FAT1: variants seen among roughly 807,000 people sequenced by gnomAD.
The protein encoded by FAT1 is protocadherin Fat 1.
In FAT1, 171 loss-of-function variants were observed where a neutral mutation model predicts 329.8. The ratio of observed to expected loss-of-function variants is 0.52; its 90% CI spans 0.46 to 0.59. FAT1 has a LOEUF of 0.59. Among genes scored for constraint, FAT1 ranks in the 20% least tolerant of loss-of-function variants. FAT1 has a pLI of 0.00. For missense variants in FAT1, 5,672 were observed against 5,774.4 expected (o/e 0.98, Z 0.57); for synonymous variants, 2,233 against 2,228.6 (o/e 1.00, Z -0.06).
chr4:186,619,481 T>G lies in FAT1; in HGVS notation c.7105A>C (p.Thr2369Pro), dbSNP rs77834784. ...GTGACAATCACATCACTGCTCAGCG[T>G]GGGCATACCACCATCAACTGCCCTC... Reference protein sequence around the residue: ...FVRAVDGGMPTLSSDVIVTVD... With the variant: ...FVRAVDGGMPPLSSDVIVTVD... Residue 2369 changes from threonine (T) to proline (P), a missense_variant, in exon 10 of 27, where the codon ACG becomes CCG. By Grantham distance (38) the Thr-to-Pro change is conservative (BLOSUM62 -1). Transcript: ENST00000441802. The G allele has an allele frequency of 0.042, 67,560 of 1,613,886 alleles. 3,120 individuals are homozygous for G. The highest frequency in any genetic ancestry group is 0.2 in the Admixed American group (12,038 of 60,012).
At chr4:186,661,132 GGTACATATTTGTTTCTGTCCATGGTTCCT>G (rs1344238125) in intron 3 of FAT1, among the ~76,000 whole-genome samples, 2 of 152,154 alleles carry the variant, frequency 1.3e-5, no homozygotes, top group Non-Finnish European at 2.9e-5. Flanking sequence ...TGTGGGGAGG[GGTACATATTTGTTTCTGTCCATGGTTCCT>G]GGCTCGTTAA....
chr4:186,612,144 A>AT (rs1196177168), intron 13 of FAT1, among the ~76,000 whole-genome samples: 1 of 151,438 alleles, frequency 6.6e-6, no homozygotes, highest in Non-Finnish European at 1.5e-5. Flanking sequence ...ACCAAACAAA[A>AT]TTTTTTTAGA....
At chr4:186,643,121 T>A (rs1008912599) in intron 3 of FAT1, among the ~76,000 whole-genome samples, 7 of 152,138 alleles carry the variant, frequency 4.6e-5, no homozygotes, top group Admixed American at 1.3e-4. Flanking sequence ...TCAGTAAAGT[T>A]TACACTTCAG....
Position 186,640,347 on chromosome 4 carries a change from T to C in FAT1, c.3581-564A>G, listed in dbSNP as rs552262966. Among the ~76,000 whole-genome samples the C allele has an allele frequency of 2.6e-5, 4 of 152,310 alleles. No homozygotes were observed. In the East Asian group the frequency reaches 7.7e-4, roughly 29 times the overall value. ...GTGGAAAAACTCAAATCAGTTACAT[T>C]TTCTATTTGTTAGTGGTTTCAATAT... On this transcript the variant is annotated intron_variant, in intron 3 of 26. Coordinates refer to ENST00000441802, the MANE Select transcript of FAT1 (RefSeq NM_005245.4).
chr4:186,720,583 C>T (rs566553315), intron 1 of FAT1, among the ~76,000 whole-genome samples: 117 of 152,294 alleles, frequency 7.7e-4, no homozygotes, highest in African/African-American at 2.6e-3. Context: ...TGCCCCAGAT[C>T]CCCCAGCTCA....
Position 186,711,692 on chromosome 4 carries a change from C to T in FAT1, c.-18-1847G>A, listed in dbSNP as rs188015406. On this transcript the variant is annotated intron_variant, in intron 1 of 26. Transcript: ENST00000441802. ...CAGAACTTTGGGAGGCCAATGCAGC[C>T]GGATCCCTTGAGCTCAGGAGTTCGA... Among the ~76,000 whole-genome samples the T allele has an allele frequency of 4.3e-3, 652 of 152,176 alleles. 2 individuals carry two copies. Among genetic ancestry groups the T allele is most frequent in the African/African-American group, 0.014 (599 of 41,512 alleles).
chr4:186,691,952 T>C (rs960508180), intron 2 of FAT1, among the ~76,000 whole-genome samples: 1 of 152,152 alleles, frequency 6.6e-6, no homozygotes, highest in African/African-American at 2.4e-5. Context: ...ATAATAATGA[T>C]TATTTTTATG....
chr4:186,640,139 A>T (rs1471543593), intron 3 of FAT1, among the ~76,000 whole-genome samples: 1 of 152,214 alleles, frequency 6.6e-6, no homozygotes, highest in Non-Finnish European at 1.5e-5. Context: ...AAATACAATA[A>T]AAAACAAAAC....
At chr4:186,705,662 A>G (rs181080444) in intron 2 of FAT1, among the ~76,000 whole-genome samples, 195 of 152,362 alleles carry the variant, frequency 1.3e-3, no homozygotes, top group African/African-American at 4.4e-3. Flanking sequence ...GCCTGCCCCG[A>G]AAGGCTCACA....
chr4:186,628,076 CA>C (rs1202744753), intron 9 of FAT1, 77 bp downstream of exon 9: 1 of 1,473,242 alleles, frequency 6.8e-7, no homozygotes, highest in Non-Finnish European at 9.2e-7. Flanking sequence ...CTTCAATACC[CA>C]GAACTGATTT....
Position 186,655,085 on chromosome 4 carries a change from T to A in FAT1, c.3580+8214A>T, listed in dbSNP as rs564944019. Among the ~76,000 whole-genome samples, 5 of 152,306 alleles carry A rather than the reference T, an allele frequency of 3.3e-5. No individual in the cohort carries two copies. In the South Asian group the frequency reaches 1.0e-3, roughly 32 times the overall value. On this transcript the variant is annotated intron_variant, in intron 3 of 26. Transcript: ENST00000441802. ...TTGAATTGTGTACTATGTGATTGCA[T>A]TATGTATTTAAAATCTCAGGAAGAC...
At position 186,611,454 on chromosome 4, in the gene FAT1, T is replaced by C; in HGVS notation, c.9785A>G (p.Asn3262Ser). 6.2e-7 allele frequency: 1 copy of C among 1,613,974 alleles called. No homozygotes were observed. Among genetic ancestry groups the C allele is most frequent in the Non-Finnish European group, 8.5e-7 (1 of 1,179,856 alleles). ...TATTATTGAGTAGGTGATTTCTGCA[T>C]TTGCTTCAATATCCCGACTTGCTGC... The part of the protein sequence containing the change: ...VYAASRDIEA[N>S]AEITYSIISG... Residue 3262 changes from asparagine (N) to serine (S), a missense_variant, in exon 14 of 27, where the codon AAT (asparagine) becomes AGT (serine). This residue lies in a region of FAT1 where 1,706 missense variants were observed against 1,859.1 expected (regional missense o/e 0.92). Transcript: ENST00000441802.
chr4:186,654,901 A>G (rs1741831932), intron 3 of FAT1, among the ~76,000 whole-genome samples: 1 of 147,678 alleles, frequency 6.8e-6, no homozygotes, highest in Non-Finnish European at 1.5e-5. Context: ...AGAGTGATAC[A>G]CTGTCTCGAA....
chr4:186,660,209 A>G (rs191707226), intron 3 of FAT1, among the ~76,000 whole-genome samples: 1 of 152,184 alleles, frequency 6.6e-6, no homozygotes, highest in East Asian at 1.9e-4. Context: ...CAGCCTTCAC[A>G]ATCAGGCCGC....
chr4:186,600,398 A>T (rs773386084), intron 21 of FAT1, 38 bp from the exon 22 acceptor site: 4 of 1,514,514 alleles, frequency 2.6e-6, no homozygotes, highest in Non-Finnish European at 3.6e-6. Flanking sequence ...TTACTCTCAT[A>T]GAACCTTCAA....
At chr4:186,600,409 T>A (rs770698415) in intron 21 of FAT1, 49 bp from the exon 22 acceptor site, 2 of 1,465,340 alleles carry the variant, frequency 1.4e-6, no homozygotes, top group African/African-American at 2.8e-5. Context: ...GAACCTTCAA[T>A]GAGAGCACCT....
intron 2 of FAT1, among the ~76,000 whole-genome samples, chr4:186,663,952 A>T (rs1347661515): frequency 6.6e-6 from 1 of 152,174 alleles, no homozygotes; most frequent in African/African-American, 2.4e-5. Flanking sequence ...GCACTAAGAG[A>T]TCATCTAATG....
At chr4:186,721,575 G>C (rs533067279) in intron 1 of FAT1, among the ~76,000 whole-genome samples, 1 of 152,266 alleles carries the variant, frequency 6.6e-6, no homozygotes, top group Non-Finnish European at 1.5e-5. Flanking sequence ...GGTCCTTTAG[G>C]CTACAAATTA....
chr4:186,681,964 A>G (rs745989951), intron 2 of FAT1, among the ~76,000 whole-genome samples: 17 of 152,238 alleles, frequency 1.1e-4, no homozygotes, highest in Non-Finnish European at 2.1e-4. Context: ...TTACGGATCT[A>G]TAAGTAAAGA....
Sources: allele counts gnomAD v4.1 joint callset (sites outside exome capture counted in the v4.1 genomes callset), GRCh38; gene constraint gnomAD v4.1.1; regional missense constraint gnomAD v4.1.1; transcripts MANE v1.5; gene names NCBI Gene and HGNC (gene_info 2026-07-23, HGNC 2026-07-21).